CNTNAP2: variants seen among roughly 807,000 people sequenced by gnomAD.
CNTNAP2 encodes the protein contactin associated protein 2, also known as contactin-associated protein-like 2.
In CNTNAP2, 98 loss-of-function variants were observed where a neutral mutation model predicts 155.2. That is an observed-to-expected ratio of 0.63 (90% confidence interval 0.54 to 0.75). The LOEUF (loss-of-function observed/expected upper bound fraction) is 0.75, where lower values mean the gene tolerates loss of function less well. Among genes scored for constraint, CNTNAP2 ranks in the 30% least tolerant of loss-of-function variants. The probability of loss-of-function intolerance (pLI) is 0.00; values close to 1 mark genes in which losing one functional copy is unlikely to be tolerated. For synonymous variants in CNTNAP2, 651 were observed against 631.2 expected, an observed-to-expected ratio of 1.03 and a Z score of -0.47; for missense variants, 1,727 against 1,688.1, an observed-to-expected ratio of 1.02 and a Z score of -0.40.
intron 15 of CNTNAP2, among the ~76,000 whole-genome samples, chr7:148,116,488 C>G (rs1019883848): frequency 6.6e-6 from 1 of 152,206 alleles, no homozygotes; most frequent in African/African-American, 2.4e-5. Flanking sequence ...CAACCCCGCA[C>G]CCCAGTAGAC....
intron 8 of CNTNAP2, among the ~76,000 whole-genome samples, chr7:147,259,946 T>G (rs1804419201): frequency 6.6e-6 from 1 of 152,226 alleles, no homozygotes; most frequent in African/African-American, 2.4e-5. Context: ...CTTATAGCTG[T>G]AACTGAGTAC....
At chr7:146,163,537 C>CTATA (rs1562973262) in intron 1 of CNTNAP2, among the ~76,000 whole-genome samples, 31 of 141,228 alleles carry the variant, frequency 2.2e-4, no homozygotes, top group Admixed American at 4.2e-4. Flanking sequence ...CTATATATAT[C>CTATA]TATATCTATA....
chr7:147,347,441 CATATATATATATATGCATAT>C (rs1324512574), intron 9 of CNTNAP2, among the ~76,000 whole-genome samples: 3,469 of 55,924 alleles, frequency 0.062, 251 homozygotes, highest in African/African-American at 0.14. Context: ...TATATATATG[CATATATATATATATGCATAT>C]ATATATATAT....
At chr7:147,147,875 G>C (rs529174081) in intron 8 of CNTNAP2, among the ~76,000 whole-genome samples, 2 of 151,958 alleles carry the variant, frequency 1.3e-5, no homozygotes, top group South Asian at 4.1e-4. Flanking sequence ...TATAATGAGA[G>C]AAAAAAAGTA....
chr7:147,975,489 C>T (rs372275055), intron 14 of CNTNAP2, among the ~76,000 whole-genome samples: 14 of 152,004 alleles, frequency 9.2e-5, no homozygotes, highest in East Asian at 1.9e-4. Flanking sequence ...ATTTAAAGAC[C>T]TTGTTTTTAT....
intron 16 of CNTNAP2, among the ~76,000 whole-genome samples, chr7:148,130,809 TTTTATCATTTTGCATCTTGA>T: frequency 6.6e-6 from 1 of 152,278 alleles, no homozygotes; most frequent in African/African-American, 2.4e-5. Context: ...ACAAAATTTT[TTTTATCATTTTGCATCTTGA>T]TTTATAATAT....
intron 10 of CNTNAP2, among the ~76,000 whole-genome samples, chr7:147,476,637 A>C (rs1363424228): frequency 6.6e-6 from 1 of 151,244 alleles, no homozygotes; most frequent in Non-Finnish European, 1.5e-5. Context: ...TCAAAGATAC[A>C]CCAGGTTGGT....
chr7:146,921,027 G>A (rs544593284), intron 3 of CNTNAP2, among the ~76,000 whole-genome samples: 1 of 152,254 alleles, frequency 6.6e-6, no homozygotes, highest in African/African-American at 2.4e-5. Flanking sequence ...ACATTCCACT[G>A]AAGCTCAAAG....
intron 17 of CNTNAP2, among the ~76,000 whole-genome samples, chr7:148,152,802 C>T (rs1392601901): frequency 1.3e-5 from 2 of 152,008 alleles, no homozygotes; most frequent in Non-Finnish European, 2.9e-5. Context: ...GGGGGGATCA[C>T]GAAGTCAGGA....
chr7:147,576,356 C>T (rs1291038471), intron 12 of CNTNAP2, among the ~76,000 whole-genome samples: 4 of 152,054 alleles, frequency 2.6e-5, no homozygotes, highest in Non-Finnish European at 5.9e-5. Flanking sequence ...AGAAGACATG[C>T]GTTTATTAGC....
chr7:147,567,608 C>T (rs1024684278), intron 12 of CNTNAP2, among the ~76,000 whole-genome samples: 2 of 152,028 alleles, frequency 1.3e-5, no homozygotes, highest in Non-Finnish European at 1.5e-5. Context: ...TTGGCCAGAC[C>T]GTTCCTGATG....
chr7:147,653,648 G>A (rs1265846360), intron 13 of CNTNAP2, among the ~76,000 whole-genome samples: 1 of 152,148 alleles, frequency 6.6e-6, no homozygotes, highest in South Asian at 2.1e-4. Context: ...AGGGCACTGG[G>A]TGTATAAGCA....
chr7:147,876,839 A>G (rs1192637442), intron 13 of CNTNAP2, among the ~76,000 whole-genome samples: 2 of 152,088 alleles, frequency 1.3e-5, no homozygotes, highest in Non-Finnish European at 2.9e-5. Context: ...GTGGGCTTGC[A>G]AGAACAGGAA....
chr7:146,650,605 G>A (rs1318501198), intron 1 of CNTNAP2, among the ~76,000 whole-genome samples: 1 of 152,012 alleles, frequency 6.6e-6, no homozygotes, highest in Admixed American at 6.6e-5. Flanking sequence ...ACGAGTTGAT[G>A]GGTGCAGCAA....
rs527614203 is a variant in CNTNAP2 at position 146,403,144 on chromosome 7, G to A, written c.97+286171G>A. Among the ~76,000 whole-genome samples the A allele has an allele frequency of 1.6e-4, 24 of 152,184 alleles. 1 individual carries two copies. In the South Asian group the frequency reaches 4.8e-3, roughly 30 times the overall value. ...AATTTTTGGTAAGGGTGTGGCTATA[G>A]AGGTTAGCCAATTCACATCAATTTT... On this transcript the variant is annotated intron_variant, in intron 1 of 23. Transcript: ENST00000361727.
chr7:148,278,118 G>A (rs1328826618), intron 21 of CNTNAP2, among the ~76,000 whole-genome samples: 1 of 152,194 alleles, frequency 6.6e-6, no homozygotes, highest in Non-Finnish European at 1.5e-5. Flanking sequence ...TCGAGGAGAA[G>A]AGAAACTTGC....
At chr7:147,867,295 T>C (rs1472208222) in intron 13 of CNTNAP2, among the ~76,000 whole-genome samples, 1 of 152,188 alleles carries the variant, frequency 6.6e-6, no homozygotes, top group African/African-American at 2.4e-5. Flanking sequence ...CTTCTGGCTT[T>C]TGGGTTTCTG....
intron 3 of CNTNAP2, among the ~76,000 whole-genome samples, chr7:147,013,636 C>T (rs550036656): frequency 4.6e-5 from 7 of 152,042 alleles, no homozygotes; most frequent in Non-Finnish European, 8.8e-5. Flanking sequence ...ATACTTCATC[C>T]GTGTCCGTCT....
intron 3 of CNTNAP2, among the ~76,000 whole-genome samples, chr7:147,010,048 C>A (rs1798596284): frequency 2.2e-5 from 3 of 135,562 alleles, no homozygotes; most frequent in Admixed American, 7.9e-5. Flanking sequence ...ATTGCTCCAT[C>A]AACCAGGCTG....
Sources: gnomAD v4.1 joint callset for allele counts (sites outside exome capture counted in the v4.1 genomes callset) on GRCh38, gnomAD v4.1.1 for gene constraint, MANE v1.5 for transcripts, NCBI Gene and HGNC (gene_info 2026-07-23, HGNC 2026-07-21) for gene names.